Variants in SPNS3 observed in about 807,000 individuals in gnomAD.
SPNS3 encodes the protein protein spinster homolog 3.
Under a neutral mutation model 54.4 loss-of-function variants are expected in SPNS3, and 51 were observed. The observed-to-expected ratio is 0.94, with a 90% CI of 0.75 to 1.18. The LOEUF is 1.18. Ranked by LOEUF, SPNS3 falls within the 50% of genes most tolerant of loss-of-function variation. The pLI is 0.00. For synonymous variants in SPNS3, 309 were observed against 294.7 expected, an observed-to-expected ratio of 1.05 and a Z score of -0.50; for missense variants, 669 against 677.4, an observed-to-expected ratio of 0.99 and a Z score of 0.14.
At chr17:4,469,644 A>G (rs539720336) in intron 8 of SPNS3, among the ~76,000 whole-genome samples, 91 of 150,138 alleles carry the variant, frequency 6.1e-4, no homozygotes, top group Middle Eastern at 3.5e-3. Context: ...AAAAAAAGCA[A>G]TTGGATATGT....
intron 6 of SPNS3, among the ~76,000 whole-genome samples, 179 bp downstream of exon 6, chr17:4,448,482 A>G (rs893198150): frequency 6.6e-6 from 1 of 152,168 alleles, no homozygotes; most frequent in Non-Finnish European, 1.5e-5. Context: ...CTTAGGGCTC[A>G]GCCTCCATCA....
At chr17:4,477,424 G>A (rs1010557184) in intron 8 of SPNS3, among the ~76,000 whole-genome samples, 3 of 152,358 alleles carry the variant, frequency 2.0e-5, no homozygotes, top group East Asian at 1.9e-4. Context: ...GGACAGCCCC[G>A]TGATCCAGGA....
At chr17:4,444,293 C>A (rs1970924917) in intron 2 of SPNS3, among the ~76,000 whole-genome samples, 1 of 151,808 alleles carries the variant, frequency 6.6e-6, no homozygotes, top group South Asian at 2.1e-4. Context: ...CGGCTCACTG[C>A]AACCTCCGCC....
intron 8 of SPNS3, among the ~76,000 whole-genome samples, chr17:4,457,008 C>A (rs1971333336): frequency 6.6e-6 from 1 of 152,190 alleles, no homozygotes; most frequent in Admixed American, 6.6e-5. Flanking sequence ...ATCCACCACG[C>A]CCAGCCTGGA....
chr17:4,445,306 G>T (rs1970954542), intron 3 of SPNS3, 138 bp downstream of exon 3: 1 of 913,076 alleles, frequency 1.1e-6, no homozygotes, highest in South Asian at 1.9e-5. Flanking sequence ...TGCACTGAGG[G>T]CTGGGAGAGA....
In SPNS3 at chr17:4,486,579, C is replaced by A; in HGVS notation, c.1446C>A (p.Val482=). 6.2e-7 allele frequency: 1 copy of A among 1,611,302 alleles called. No individual in the cohort carries two copies. The highest frequency in any genetic ancestry group is 1.1e-5 in the South Asian group (1 of 90,832). The stretch of plus-strand genomic sequence containing the variant: ...ACGAGACCCGGGCCTGGCAGCCTGT[C>A]ACAGGTACCCTACCCATTGCACCAG... ...ERDETRAWQP[V]TGTPDSNDVD... The change falls in exon 11 of 12, where the codon GTC becomes GTA. Residue 482 remains valine (V), a synonymous_variant. Coordinates refer to ENST00000355530, the MANE Select transcript of SPNS3 (RefSeq NM_182538.5). This position sits in a 1 kb window ranked among gnomAD's most constrained non-coding sequence, Gnocchi z 5.5.
intron 9 of SPNS3, among the ~76,000 whole-genome samples, chr17:4,485,784 G>A (rs1203750340): frequency 6.6e-6 from 1 of 152,204 alleles, no homozygotes; most frequent in African/African-American, 2.4e-5. Context: ...TGCCCCAGGG[G>A]CCTTGAGGTT....
At chr17:4,475,507 G>C (rs1210350492) in intron 8 of SPNS3, among the ~76,000 whole-genome samples, 1 of 152,216 alleles carries the variant, frequency 6.6e-6, no homozygotes, top group Non-Finnish European at 1.5e-5. Flanking sequence ...GGCATGTAGG[G>C]ACCCCCCAAC....
intron 8 of SPNS3, among the ~76,000 whole-genome samples, chr17:4,472,774 C>CATTTTTTTTTTT (rs1567572187): frequency 2.6e-4 from 13 of 50,972 alleles, no homozygotes; most frequent in African/African-American, 1.2e-3. Flanking sequence ...GCTTGGCAGC[C>CATTTTTTTTTTT]TTTTTTTTTT....
At chr17:4,484,897 A>G (rs1247154679) in intron 9 of SPNS3, 1 of 152,136 alleles carries the variant, frequency 6.6e-6, no homozygotes, top group Non-Finnish European at 1.5e-5. Flanking sequence ...AGGGACCCCA[A>G]GAGAAATTAA....
rs1972222577 is a variant in SPNS3 at position 4,483,310 on chromosome 17, T to C, written c.1180-2918T>C. ...AAACAGAGGTGTTTTTGTCTCAGAA[T>C]AGAGTGAGCCTGGATTTTTGGGAAC... On this transcript the variant is annotated intron_variant, in intron 9 of 11. Coordinates refer to ENST00000355530, the MANE Select transcript of SPNS3 (RefSeq NM_182538.5). The surrounding 1 kb of genome is among the most constrained non-coding windows in gnomAD (Gnocchi z 4.2). 1 of 152,214 alleles carries C rather than the reference T, an allele frequency of 6.6e-6. No homozygotes were observed. Among genetic ancestry groups the C allele is most frequent in the Non-Finnish European group, 1.5e-5 (1 of 68,046 alleles). 9.4% of individuals were successfully genotyped at this position (152,214 alleles called of 1,614,324 possible).
At chr17:4,480,989 G>A (rs944343005) in intron 9 of SPNS3, among the ~76,000 whole-genome samples, 4 of 152,312 alleles carry the variant, frequency 2.6e-5, no homozygotes, top group East Asian at 1.9e-4. Context: ...GTAAAGGCAG[G>A]TGGTGGGGGA....
At chr17:4,464,467 G>A (rs944636392) in intron 8 of SPNS3, among the ~76,000 whole-genome samples, 1 of 152,136 alleles carries the variant, frequency 6.6e-6, no homozygotes, top group African/African-American at 2.4e-5. Context: ...CAAGGTGGAG[G>A]GGCAGGAGTG....
intron 8 of SPNS3, among the ~76,000 whole-genome samples, chr17:4,469,951 C>T (rs993529213): frequency 6.6e-6 from 1 of 152,160 alleles, no homozygotes; most frequent in Non-Finnish European, 1.5e-5. Context: ...TTTTCATCTA[C>T]AAGAATAAAT....
chr17:4,442,765 C>T (rs1449791194), intron 2 of SPNS3, among the ~76,000 whole-genome samples: 3 of 152,150 alleles, frequency 2.0e-5, no homozygotes, highest in East Asian at 1.9e-4. Flanking sequence ...CTATTATGTC[C>T]ATTTTACAGA....
intron 2 of SPNS3, among the ~76,000 whole-genome samples, chr17:4,440,448 C>T (rs368594518): frequency 7.2e-5 from 11 of 152,300 alleles, no homozygotes; most frequent in East Asian, 1.9e-4. Flanking sequence ...GCTCTTAAAC[C>T]GGGGTACAGG....
At chr17:4,441,279 T>G (rs1180432979) in intron 2 of SPNS3, among the ~76,000 whole-genome samples, 1 of 152,032 alleles carries the variant, frequency 6.6e-6, no homozygotes, top group Admixed American at 6.6e-5. Flanking sequence ...TCCCAGCTCT[T>G]AGGGAGGCAG....
At chr17:4,472,472 C>G (rs1479673106) in intron 8 of SPNS3, among the ~76,000 whole-genome samples, 1 of 152,204 alleles carries the variant, frequency 6.6e-6, no homozygotes. Context: ...GGGCTCTGCT[C>G]TGTCTTCTGG....
At chr17:4,485,434 G>T (rs1337871501) in intron 9 of SPNS3, among the ~76,000 whole-genome samples, 3 of 146,038 alleles carry the variant, frequency 2.1e-5, no homozygotes, top group Non-Finnish European at 4.5e-5. Flanking sequence ...TTTTGCTCTT[G>T]TTGCCCAGGT....
Sources: gnomAD v4.1 joint callset for allele counts (sites outside exome capture counted in the v4.1 genomes callset) on GRCh38, gnomAD v4.1.1 for gene constraint, Gnocchi (gnomAD v3.1) non-coding constraint, MANE v1.5 for transcripts, NCBI Gene and HGNC (gene_info 2026-07-23, HGNC 2026-07-21) for gene names.